The following BEND7 variants were observed in gnomAD, a reference collection of about 807,000 sequenced individuals.
The protein encoded by BEND7 is BEN domain containing 7.
BEND7 carries 28 observed loss-of-function variants against 50.9 expected under a neutral mutation model. The ratio of observed to expected loss-of-function variants is 0.55; its 90% CI spans 0.41 to 0.75. The LOEUF is 0.75. BEND7 is among the 30% of genes least tolerant of loss of function. The pLI is 0.00. For synonymous variants in BEND7, 170 were observed against 183.9 expected, an observed-to-expected ratio of 0.92 and a Z score of 0.61; for missense variants, 477 against 491.3, an observed-to-expected ratio of 0.97 and a Z score of 0.28.
chr10:13,480,680 TATTATTTCA>T (rs1366322925), intron 6 of BEND7: 1 of 985,180 alleles, frequency 1.0e-6, no homozygotes, highest in Non-Finnish European at 1.2e-6. Context: ...GCTCTTAAAT[TATTATTTCA>T]ACAAATTAAC....
At chr10:13,510,121 T>C (rs895292967) in intron 2 of BEND7, among the ~76,000 whole-genome samples, 3 of 152,134 alleles carry the variant, frequency 2.0e-5, no homozygotes, top group African/African-American at 7.2e-5. Context: ...GAAAAGGTCT[T>C]ATAAATCAAT....
intron 5 of BEND7, among the ~76,000 whole-genome samples, chr10:13,490,947 G>A (rs1430316780): frequency 1.3e-5 from 2 of 152,176 alleles, no homozygotes; most frequent in East Asian, 3.9e-4. Context: ...AGGACTATAG[G>A]CATGTGCCAC....
intron 7 of BEND7, among the ~76,000 whole-genome samples, chr10:13,447,536 C>CTTTTTTTTTTT (rs11346528): frequency 1.2e-5 from 1 of 86,108 alleles, no homozygotes; most frequent in Non-Finnish European, 2.0e-5. Flanking sequence ...CGTATTAAAA[C>CTTTTTTTTTTT]TTTTTTTTTT....
chr10:13,445,322 C>G (rs908636160), intron 8 of BEND7: 1 of 152,140 alleles, frequency 6.6e-6, no homozygotes, highest in South Asian at 2.1e-4. Context: ...CGACTGACGA[C>G]GAACATTTTA....
chr10:13,487,601 G>T lies in BEND7; in HGVS notation c.837+5010C>A, dbSNP rs1349124946. Reference sequence around the variant, plus strand: ...GAGTTTCTCCATGTTGATCACGCTGGTCTCGAACTCCTGATCTCAGCTGAT... The same window carrying T: ...GAGTTTCTCCATGTTGATCACGCTGTTCTCGAACTCCTGATCTCAGCTGAT... On this transcript the variant is annotated intron_variant, in intron 5 of 8. Transcript: ENST00000466271. Among the ~76,000 whole-genome samples, 6 of 151,852 alleles carry T rather than the reference G, an allele frequency of 4.0e-5. No individual in the cohort carries two copies. The East Asian group carries it at 1.2e-3, about 29-fold the overall frequency.
intron 2 of BEND7, chr10:13,503,083 T>A (rs1185773500): frequency 4.8e-6 from 1 of 206,912 alleles, no homozygotes; most frequent in Non-Finnish European, 8.5e-6. Flanking sequence ...CCAGAACTTA[T>A]GCCTATGAAA....
chr10:13,449,022 A>C (rs1342483960), intron 7 of BEND7, among the ~76,000 whole-genome samples: 2 of 152,264 alleles, frequency 1.3e-5, no homozygotes, highest in African/African-American at 4.8e-5. Context: ...AACAACATAA[A>C]AATATTCAAA....
At chr10:13,527,372 T>C (rs1365948383) in intron 1 of BEND7, among the ~76,000 whole-genome samples, 1 of 152,202 alleles carries the variant, frequency 6.6e-6, no homozygotes, top group Non-Finnish European at 1.5e-5. Context: ...ATCAAAGCAT[T>C]TTCAGATGAA....
intron 6 of BEND7, among the ~76,000 whole-genome samples, chr10:13,457,613 G>A (rs1294975650): frequency 1.3e-5 from 2 of 152,158 alleles, no homozygotes; most frequent in African/African-American, 2.4e-5. Flanking sequence ...TACTGAAGAC[G>A]AAATCCTATT....
At chr10:13,449,006 A>G (rs1431645067) in intron 7 of BEND7, among the ~76,000 whole-genome samples, 2 of 151,970 alleles carry the variant, frequency 1.3e-5, no homozygotes, top group African/African-American at 4.8e-5. Context: ...TTGTAGATGA[A>G]TATTTAACAA....
chr10:13,442,877 C>A (rs1213081536), intron 8 of BEND7: 2 of 152,194 alleles, frequency 1.3e-5, no homozygotes, highest in African/African-American at 4.8e-5. Context: ...GCTATCCTAT[C>A]TCCCAAAACA....
intron 8 of BEND7, 110 bp downstream of exon 8, chr10:13,447,156 C>A: frequency 1.8e-6 from 2 of 1,102,176 alleles, no homozygotes; most frequent in Non-Finnish European, 2.8e-6. Flanking sequence ...ACTGCAGAAG[C>A]AGTTTGCTCA....
At chr10:13,479,168 C>T (rs556479818) in intron 6 of BEND7, among the ~76,000 whole-genome samples, 7 of 151,938 alleles carry the variant, frequency 4.6e-5, no homozygotes, top group South Asian at 2.1e-4. Flanking sequence ...CATCATGCCC[C>T]GCTAATTTTT....
chr10:13,441,253 TA>T lies in BEND7; in HGVS notation c.*489del. On this transcript the variant is annotated 3_prime_UTR_variant, in exon 9 of 9. Transcript: ENST00000466271. Reference sequence around the variant, plus strand: ...AAAAATCTAAATATTTACATATTAATAAAACATATATACAGAAGATTGAGAC... The same window carrying T: ...AAAAATCTAAATATTTACATATTAATAAACATATATACAGAAGATTGAGAC... 1 of 907,716 alleles carries T rather than the reference TA, an allele frequency of 1.1e-6. No individual in the cohort carries two copies. The highest frequency in any genetic ancestry group is 1.2e-4 in the East Asian group (1 of 8,444). 56.2% of individuals were successfully genotyped at this position (907,716 alleles called of 1,614,324 possible).
chr10:13,480,649 A>T (rs1027418507), intron 6 of BEND7: 1 of 984,914 alleles, frequency 1.0e-6, no homozygotes, highest in Non-Finnish European at 1.2e-6. Context: ...CTTCTTTTTG[A>T]TTCTGCAGCA....
chr10:13,493,936 A>C (rs534750988), intron 4 of BEND7, among the ~76,000 whole-genome samples: 2 of 152,348 alleles, frequency 1.3e-5, no homozygotes, highest in South Asian at 4.1e-4. Flanking sequence ...ACCTCTTATC[A>C]GTCTGAAAAT....
intron 6 of BEND7, among the ~76,000 whole-genome samples, chr10:13,460,562 C>T (rs908078183): frequency 2.3e-4 from 35 of 152,202 alleles, no homozygotes; most frequent in African/African-American, 6.0e-4. Context: ...ACTCTTCACG[C>T]GTCCTCAATG....
chr10:13,458,283 G>A (rs1025082808), intron 6 of BEND7, among the ~76,000 whole-genome samples: 4 of 152,198 alleles, frequency 2.6e-5, no homozygotes, highest in African/African-American at 7.2e-5. Flanking sequence ...AAGTGAAGGC[G>A]GCAGCGCGTG....
chr10:13,526,298 A>C, intron 1 of BEND7, 77 bp from the exon 2 acceptor site: 46 of 626,852 alleles, frequency 7.3e-5, no homozygotes, highest in Non-Finnish European at 1.0e-4. Context: ...CTAGAATCTC[A>C]TTCTATTTAG....
Sources: gnomAD v4.1 joint callset for allele counts (sites outside exome capture counted in the v4.1 genomes callset) on GRCh38, gnomAD v4.1.1 for gene constraint, MANE v1.5 for transcripts, NCBI Gene and HGNC (gene_info 2026-07-23, HGNC 2026-07-21) for gene names.